Variants in TBCK observed in about 807,000 individuals in gnomAD.
The protein encoded by TBCK is TBC1 domain containing kinase.
A neutral mutation model predicts 113.4 loss-of-function variants in TBCK; 99 were observed. The observed-to-expected ratio is 0.87, with a 90% CI of 0.74 to 1.03. The LOEUF (loss-of-function observed/expected upper bound fraction) is 1.03, where lower values mean the gene tolerates loss of function less well. Among genes scored for constraint, TBCK ranks in the 50% least tolerant of loss-of-function variants. TBCK has a pLI of 0.00. For synonymous variants in TBCK, 369 were observed against 370.8 expected, an observed-to-expected ratio of 1.00 and a Z score of 0.05; for missense variants, 1,045 against 1,061.3, an observed-to-expected ratio of 0.98 and a Z score of 0.21.
At chr4:106,129,935 T>G (rs1241106036) in intron 23 of TBCK, among the ~76,000 whole-genome samples, 2 of 152,192 alleles carry the variant, frequency 1.3e-5, no homozygotes, top group Non-Finnish European at 2.9e-5. Context: ...TATATTGGCT[T>G]GGCTGTGTCC....
intron 25 of TBCK, among the ~76,000 whole-genome samples, chr4:106,047,122 A>G (rs1465734973): frequency 3.9e-5 from 6 of 152,164 alleles, no homozygotes; most frequent in African/African-American, 7.2e-5. Flanking sequence ...GTCCACTTCA[A>G]TGTCCCACAG....
At chr4:106,309,690 A>G (rs1561005673) in intron 1 of TBCK, among the ~76,000 whole-genome samples, 1 of 152,152 alleles carries the variant, frequency 6.6e-6, no homozygotes, top group East Asian at 1.9e-4. Flanking sequence ...GTCAGGAAAG[A>G]GGAAATATAG....
In TBCK at chr4:106,045,244, A is replaced by G. The variant is rs1734117493; in HGVS notation, c.*1326T>C. On this transcript the variant is annotated 3_prime_UTR_variant, in exon 26 of 26. Transcript: ENST00000394708. Reference sequence around the variant, plus strand: ...CAGCTAATTTTTATATTTTTAGTAGAGACAAAGTTTCCCCATGTTGGCCAG... The same window carrying G: ...CAGCTAATTTTTATATTTTTAGTAGGGACAAAGTTTCCCCATGTTGGCCAG... The G allele has an allele frequency of 6.6e-6, 1 of 152,026 alleles. No homozygotes were observed. Among genetic ancestry groups the G allele is most frequent in the African/African-American group, 2.4e-5 (1 of 41,382 alleles). 9.4% of individuals were successfully genotyped at this position (152,026 alleles called of 1,614,324 possible). A position where few individuals can be genotyped will look rare whatever the true frequency, so the allele number is the denominator to read the frequency against.
intron 24 of TBCK, among the ~76,000 whole-genome samples, chr4:106,113,490 G>T (rs1275555684): frequency 6.6e-6 from 1 of 152,160 alleles, no homozygotes; most frequent in Non-Finnish European, 1.5e-5. Flanking sequence ...TGTACGGTGT[G>T]GTCCAAATGA....
At chr4:106,280,695 C>T (rs1417793030) in intron 3 of TBCK, among the ~76,000 whole-genome samples, 2 of 152,056 alleles carry the variant, frequency 1.3e-5, no homozygotes, top group Non-Finnish European at 2.9e-5. Context: ...CTTTCCTGTC[C>T]TCAATTTATG....
intron 22 of TBCK, among the ~76,000 whole-genome samples, chr4:106,175,814 C>T (rs1308842168): frequency 6.6e-6 from 1 of 152,136 alleles, no homozygotes; most frequent in Non-Finnish European, 1.5e-5. Context: ...GCATGCTCTA[C>T]ATATAACTAA....
chr4:106,161,171 C>G (rs1036380977), intron 23 of TBCK, among the ~76,000 whole-genome samples: 1 of 152,020 alleles, frequency 6.6e-6, no homozygotes, highest in South Asian at 2.1e-4. Context: ...TAACTGTACA[C>G]TTAAAATGGT....
chr4:106,207,630 A>G (rs1417384686), intron 20 of TBCK, among the ~76,000 whole-genome samples: 1 of 152,154 alleles, frequency 6.6e-6, no homozygotes, highest in Non-Finnish European at 1.5e-5. Flanking sequence ...TCCCATAAGT[A>G]CTCACTGTCA....
At chr4:106,274,558 G>A (rs1763816822) in intron 3 of TBCK, among the ~76,000 whole-genome samples, 1 of 152,188 alleles carries the variant, frequency 6.6e-6, no homozygotes, top group South Asian at 2.1e-4. Flanking sequence ...TATGCTAAGT[G>A]AAAGAAGCTA....
chr4:106,289,381 C>T (rs764469100), intron 3 of TBCK, among the ~76,000 whole-genome samples: 15 of 151,986 alleles, frequency 9.9e-5, no homozygotes, highest in African/African-American at 2.9e-4. Flanking sequence ...TGTAGACTTG[C>T]CATAGGTTCT....
intron 23 of TBCK, among the ~76,000 whole-genome samples, chr4:106,118,266 T>C (rs2061134751): frequency 6.6e-6 from 1 of 152,110 alleles, no homozygotes; most frequent in Non-Finnish European, 1.5e-5. Context: ...AAAAAATGGT[T>C]TTCAATTGGA....
chr4:106,106,472 A>G (rs564723448), intron 24 of TBCK, among the ~76,000 whole-genome samples: 2 of 152,322 alleles, frequency 1.3e-5, no homozygotes, highest in South Asian at 4.1e-4. Flanking sequence ...AAGCCAGAAG[A>G]GATTAGGGGC....
At chr4:106,115,892 C>A (rs1743423671) in intron 24 of TBCK, among the ~76,000 whole-genome samples, 1 of 152,244 alleles carries the variant, frequency 6.6e-6, no homozygotes, top group East Asian at 1.9e-4. Flanking sequence ...ATCTTTGCCA[C>A]AATTCCTATC....
At chr4:106,116,501 T>C in intron 23 of TBCK, 123 bp from the exon 24 acceptor site, 1 of 821,740 alleles carries the variant, frequency 1.2e-6, no homozygotes, top group South Asian at 1.9e-5. Flanking sequence ...ACTATCTAAT[T>C]TTCACAGTCT....
chr4:106,252,837 C>G (rs1031646541), intron 5 of TBCK, among the ~76,000 whole-genome samples: 1 of 151,952 alleles, frequency 6.6e-6, no homozygotes, highest in Non-Finnish European at 1.5e-5. Context: ...ACCAAGTTGC[C>G]CTTTGGGGAG....
rs1011549704 is a variant in TBCK, at chr4:106,042,622, G to A, written c.*3948C>T. ...GATCTGCCTGCCTCGGCCTCCCAAA[G>A]TGAATAAGATTCTTTTGAGATGCTA... On this transcript the variant is annotated 3_prime_UTR_variant, in exon 26 of 26. Coordinates refer to ENST00000394708, the MANE Select transcript of TBCK (RefSeq NM_001163435.3). 6.6e-6 allele frequency: 1 copy of A among 152,162 alleles called. No individual in the cohort carries two copies. Among genetic ancestry groups the A allele is most frequent in the Non-Finnish European group, 1.5e-5 (1 of 68,046 alleles). 9.4% of individuals were successfully genotyped at this position (152,162 alleles called of 1,614,324 possible). A position where few individuals can be genotyped will look rare whatever the true frequency, so the allele number is the denominator to read the frequency against.
At chr4:106,055,115 G>A (rs1414757183) in intron 25 of TBCK, among the ~76,000 whole-genome samples, 1 of 151,628 alleles carries the variant, frequency 6.6e-6, no homozygotes. Flanking sequence ...AGATAGAAGA[G>A]TTTAGAGAGG....
Position 106,116,892 on chromosome 4 carries a change from A to C in TBCK, c.2236-514T>G, listed in dbSNP as rs558058026. 4.6e-5 allele frequency among the ~76,000 whole-genome samples: 7 copies of C among 152,198 alleles called. No homozygotes were observed. In the South Asian group the frequency reaches 1.5e-3, roughly 32 times the overall value. ...CTAGCTTATGGTAAGTTGTATAATTATTTCATTTTATATTACAATGTAATA... is the reference window on the plus strand; with the variant it reads ...CTAGCTTATGGTAAGTTGTATAATTCTTTCATTTTATATTACAATGTAATA... On this transcript the variant is annotated intron_variant, in intron 23 of 25. Transcript: ENST00000394708.
chr4:106,266,708 T>G (rs1323107083), intron 3 of TBCK, among the ~76,000 whole-genome samples: 1 of 151,922 alleles, frequency 6.6e-6, no homozygotes, highest in Non-Finnish European at 1.5e-5. Context: ...TCCTTTCATA[T>G]TCTCAGAATT....
Sources: gnomAD v4.1 joint callset for allele counts (sites outside exome capture counted in the v4.1 genomes callset) on GRCh38, gnomAD v4.1.1 for gene constraint, MANE v1.5 for transcripts, NCBI Gene and HGNC (gene_info 2026-07-23, HGNC 2026-07-21) for gene names.